Variants in BRINP2 observed in about 807,000 individuals in gnomAD.
BRINP2 encodes the protein BMP/retinoic acid inducible neural specific 2, also known as BMP/retinoic acid-inducible neural-specific protein 2.
BRINP2 carries 21 observed loss-of-function variants against 69.2 expected under a neutral mutation model. That is an observed-to-expected ratio of 0.30 (90% CI 0.22 to 0.44). BRINP2 has a LOEUF of 0.44. BRINP2 is among the 20% of genes least tolerant of loss of function. BRINP2 has a pLI of 1.00. For missense variants in BRINP2, 877 were observed against 986.0 expected (o/e 0.89, Z 1.48); for synonymous variants, 380 against 394.1 (o/e 0.96, Z 0.42).
intron 1 of BRINP2, among the ~76,000 whole-genome samples, chr1:177,173,787 C>T (rs1193695441): frequency 1.3e-5 from 2 of 152,152 alleles, no homozygotes; most frequent in Non-Finnish European, 2.9e-5. Context: ...AAAAATGATA[C>T]ACTCCCTTGA....
intron 5 of BRINP2, chr1:177,275,325 AT>A: frequency 2.2e-6 from 1 of 445,946 alleles, no homozygotes; most frequent in Non-Finnish European, 4.5e-6. Context: ...TCAGAAGTTA[AT>A]TGGAAGAGAG....
At chr1:177,189,619 TC>T (rs1263907581) in intron 1 of BRINP2, among the ~76,000 whole-genome samples, 1 of 152,218 alleles carries the variant, frequency 6.6e-6, no homozygotes, top group Non-Finnish European at 1.5e-5. Context: ...CATGTTTTGA[TC>T]TTTTACCTCC....
At chr1:177,260,533 C>A (rs1204117209) in intron 4 of BRINP2, among the ~76,000 whole-genome samples, 1 of 152,156 alleles carries the variant, frequency 6.6e-6, no homozygotes, top group African/African-American at 2.4e-5. Context: ...AGAAATCTCT[C>A]ATGAAAGGAA....
At chr1:177,243,466 G>A (rs924866130) in intron 2 of BRINP2, among the ~76,000 whole-genome samples, 1 of 152,090 alleles carries the variant, frequency 6.6e-6, no homozygotes, top group African/African-American at 2.4e-5. Context: ...GACCCAACAA[G>A]CAAGAAGAAG....
At chr1:177,225,447 T>G (rs1649666669) in intron 1 of BRINP2, among the ~76,000 whole-genome samples, 1 of 152,254 alleles carries the variant, frequency 6.6e-6, no homozygotes, top group East Asian at 1.9e-4. Flanking sequence ...TAGCCATTAC[T>G]TTAATATCCT....
rs1650738653 is a variant in BRINP2 at position 177,255,845 on chromosome 1, T to C, written c.270-74T>C. 4.8e-6 allele frequency: 7 copies of C among 1,445,622 alleles called. No individual in the cohort carries two copies. In the South Asian group the frequency reaches 8.8e-5, roughly 18 times the overall value. The allele number at this position is 1,445,622 out of a possible 1,614,324, so 89.5% of individuals were successfully genotyped here. On this transcript the variant is annotated intron_variant, in intron 2 of 7. Coordinates refer to ENST00000361539, the MANE Select transcript of BRINP2 (RefSeq NM_021165.4). ...GTGGCTGCAAGTGGAGGAAGAACAT[T>C]ACCTACTTCAGATTTTATGCCTCTT...
At chr1:177,197,244 G>A (rs1226060141) in intron 1 of BRINP2, among the ~76,000 whole-genome samples, 6 of 152,140 alleles carry the variant, frequency 3.9e-5, no homozygotes, top group Non-Finnish European at 5.9e-5. Flanking sequence ...TCACATGGCA[G>A]GAGCAGGAGC....
At chr1:177,204,499 A>C (rs373945461) in intron 1 of BRINP2, among the ~76,000 whole-genome samples, 3 of 152,180 alleles carry the variant, frequency 2.0e-5, no homozygotes, top group East Asian at 3.9e-4. Context: ...AAAAAAAGAG[A>C]GTGGGGCCAA....
chr1:177,245,835 A>C (rs1038408771), intron 2 of BRINP2, among the ~76,000 whole-genome samples: 1 of 152,288 alleles, frequency 6.6e-6, no homozygotes, highest in South Asian at 2.1e-4. Context: ...CAGTGTGAGA[A>C]TAGCCAAACA....
At chr1:177,244,629 C>T (rs929496262) in intron 2 of BRINP2, among the ~76,000 whole-genome samples, 5 of 152,072 alleles carry the variant, frequency 3.3e-5, no homozygotes, top group Non-Finnish European at 1.5e-5. Context: ...AGTGAGACTC[C>T]ATCTCAAAAA....
At chr1:177,267,293 T>C (rs1651160400) in intron 4 of BRINP2, among the ~76,000 whole-genome samples, 1 of 152,230 alleles carries the variant, frequency 6.6e-6, no homozygotes, top group South Asian at 2.1e-4. Flanking sequence ...GTTATTCTTT[T>C]TGTTTTTTGT....
At chr1:177,267,979 C>T in intron 4 of BRINP2, among the ~76,000 whole-genome samples, 1 of 152,096 alleles carries the variant, frequency 6.6e-6, no homozygotes, top group East Asian at 1.9e-4. Flanking sequence ...TGGCTTCTCC[C>T]CCTAGGAAGA....
chr1:177,252,617 C>A (rs1012369348), intron 2 of BRINP2, among the ~76,000 whole-genome samples: 3 of 152,114 alleles, frequency 2.0e-5, no homozygotes, highest in African/African-American at 7.2e-5. Flanking sequence ...TTAAAATCTA[C>A]AGTACATTAT....
chr1:177,212,536 C>T (rs1160611185), intron 1 of BRINP2, among the ~76,000 whole-genome samples: 3 of 142,800 alleles, frequency 2.1e-5, no homozygotes, highest in Non-Finnish European at 4.8e-5. Context: ...CAGAGCAAGA[C>T]TCTGTCTCAA....
intron 1 of BRINP2, among the ~76,000 whole-genome samples, chr1:177,206,998 T>G (rs1451884109): frequency 6.6e-6 from 1 of 151,892 alleles, no homozygotes; most frequent in Non-Finnish European, 1.5e-5. Flanking sequence ...GAGAGGGAGA[T>G]TTCAGCTAAT....
chr1:177,190,147 G>T (rs1264216451), intron 1 of BRINP2, among the ~76,000 whole-genome samples: 1 of 152,124 alleles, frequency 6.6e-6, no homozygotes, highest in Non-Finnish European at 1.5e-5. Flanking sequence ...TAGGCACGTT[G>T]CCTTCAGAAG....
intron 1 of BRINP2, among the ~76,000 whole-genome samples, chr1:177,227,517 A>C (rs1418133038): frequency 6.6e-6 from 1 of 152,160 alleles, no homozygotes; most frequent in Admixed American, 6.5e-5. Context: ...ATTACATGAG[A>C]AATATTTTGG....
At chr1:177,239,254 TG>T (rs1478327830) in intron 2 of BRINP2, among the ~76,000 whole-genome samples, 1 of 152,246 alleles carries the variant, frequency 6.6e-6, no homozygotes, top group African/African-American at 2.4e-5. Flanking sequence ...GTTTTCCATC[TG>T]TGCTTAGGCT....
chr1:177,276,917 A>G (rs1372331278), intron 6 of BRINP2, among the ~76,000 whole-genome samples: 1 of 152,188 alleles, frequency 6.6e-6, no homozygotes, highest in Non-Finnish European at 1.5e-5. Context: ...GCCTGGTTTG[A>G]CAAGCTTTAT....
Sources: allele counts gnomAD v4.1 joint callset (sites outside exome capture counted in the v4.1 genomes callset), GRCh38; gene constraint gnomAD v4.1.1; transcripts MANE v1.5; gene names NCBI Gene and HGNC (gene_info 2026-07-23, HGNC 2026-07-21).